Variants in MPI observed in about 807,000 individuals in gnomAD.
The protein encoded by MPI is mannose-6-phosphate isomerase.
In MPI, 33 loss-of-function variants were observed where a neutral mutation model predicts 40.1. That is an observed-to-expected ratio of 0.82 (90% CI 0.62 to 1.10). The LOEUF (loss-of-function observed/expected upper bound fraction) is 1.10. Among genes scored for constraint, MPI ranks in the 50% least tolerant of loss-of-function variants. MPI has a pLI of 0.00. For missense variants in MPI, 514 were observed against 524.1 expected (o/e 0.98, Z 0.19); for synonymous variants, 187 against 207.4 (o/e 0.90, Z 0.85).
rs1029984897 is a variant in MPI, at chr15:74,899,304, G to T, written c.*1574G>T. ...GATAAAGGTTTAAATTCATGCAAAA[G>T]AATCTTTCTGGGCTTCTGCCCACAC... On this transcript the variant is annotated 3_prime_UTR_variant, in exon 8 of 8. Coordinates refer to ENST00000352410, the MANE Select transcript of MPI (RefSeq NM_002435.3). 6.6e-6 allele frequency: 1 copy of T among 152,218 alleles called. No individual in the cohort carries two copies. Among genetic ancestry groups the T allele is most frequent in the African/African-American group, 2.4e-5 (1 of 41,464 alleles). 9.4% of individuals were successfully genotyped at this position (152,218 alleles called of 1,614,324 possible).
chr15:74,895,697 G>A (rs1467285514), intron 5 of MPI: 1 of 167,846 alleles, frequency 6.0e-6, no homozygotes, highest in East Asian at 1.6e-4. Flanking sequence ...TCATACAGGG[G>A]ACATTTGGCT....
rs1189626085 is a variant in MPI at position 74,897,509 on chromosome 15, C to T, written c.1054-3C>T. ...CACTGCCTTATCATTTCTTCCTGCC[C>T]AGGTCCCTGGCTCTGTCACTGAATA... On this transcript the variant is annotated splice_polypyrimidine_tract_variant and splice_region_variant and intron_variant, in intron 7 of 7. Transcript: ENST00000352410. The T allele has an allele frequency of 1.2e-6, 2 of 1,613,826 alleles. No homozygotes were observed. Among genetic ancestry groups the T allele is most frequent in the South Asian group, 2.2e-5 (2 of 91,052 alleles).
Position 74,897,780 on chromosome 15 carries a change from C to A in MPI, c.*50C>A. ...TCTGCCAGCCACCCTAAATTCCAGC[C>A]AACCTCACCTCCTCGGGCCCAGCTC... On this transcript the variant is annotated 3_prime_UTR_variant, in exon 8 of 8. Transcript: ENST00000352410. 6.4e-7 allele frequency: 1 copy of A among 1,565,674 alleles called. No homozygotes were observed. The highest frequency in any genetic ancestry group is 8.8e-7 in the Non-Finnish European group (1 of 1,137,922).
chr15:74,890,178 T>C (rs1210507042), intron 1 of MPI, 89 bp downstream of exon 1: 4 of 1,552,222 alleles, frequency 2.6e-6, no homozygotes, highest in Non-Finnish European at 3.5e-6. Context: ...TTGAGTCCGC[T>C]CCTGGCATTC....
At chr15:74,894,107 T>TGTGTGTGTGTGTGTTTTTTCTGAGCCAG (rs1555478772) in intron 5 of MPI, among the ~76,000 whole-genome samples, 1 of 60,958 alleles carries the variant, frequency 1.6e-5, no homozygotes, top group Admixed American at 2.0e-4. Flanking sequence ...TGTGTGTGTG[T>TGTGTGTGTGTGTGTTTTTTCTGAGCCAG]GGTCTCTTTC....
rs767875252 is a variant in MPI at position 74,893,249 on chromosome 15, A to G, written c.599A>G (p.His200Arg). The change falls in exon 5 of 8, where the codon CAC (histidine) becomes CGC (arginine). Residue 200 changes from histidine (H) to arginine (R), a missense_variant. Physicochemically the swap from His to Arg is conservative, Grantham distance 29 (BLOSUM62 0). Transcript: ENST00000352410. The stretch of plus-strand genomic sequence containing the variant: ...TCCTCTCTGCAGAGCTGTTTCTCCC[A>G]CCTGATGAAGAGTGAGAAGAAGGTG... ...VASSLQSCFS[H>R]LMKSEKKVVV... The G allele has an allele frequency of 1.2e-6, 2 of 1,614,166 alleles. No individual in the cohort carries two copies. The highest frequency in any genetic ancestry group is 1.7e-6 in the Non-Finnish European group (2 of 1,180,030).
chr15:74,900,555 T>A lies in MPI; in HGVS notation c.*2825T>A, dbSNP rs2064912577. 6.6e-6 allele frequency: 1 copy of A among 152,284 alleles called. No homozygotes were observed. The highest frequency in any genetic ancestry group is 2.4e-5 in the African/African-American group (1 of 41,452). The allele number at this position is 152,284 out of a possible 1,614,324, so 9.4% of individuals were successfully genotyped here. On this transcript the variant is annotated 3_prime_UTR_variant, in exon 8 of 8. Coordinates refer to ENST00000352410, the MANE Select transcript of MPI (RefSeq NM_002435.3). ...CTCTACCTGTGTTGCTGTCTTTCTT[T>A]ACACTGTGCTACATTTGATCCCTTT...
At chr15:74,890,294 C>T in intron 1 of MPI, 1 of 858,922 alleles carries the variant, frequency 1.2e-6, no homozygotes, top group South Asian at 1.5e-5. Flanking sequence ...GGATAGGTAC[C>T]TTCTGCTCCC....
At chr15:74,896,050 C>A in intron 5 of MPI, 102 bp from the exon 6 acceptor site, 1 of 1,433,172 alleles carries the variant, frequency 7.0e-7, no homozygotes, top group Non-Finnish European at 9.7e-7. Flanking sequence ...CTTCTGGATT[C>A]CTGTGGCAGG....
At position 74,896,326 on chromosome 15, in the gene MPI, G is replaced by T; in HGVS notation, c.844+1G>T. On this transcript the variant is annotated splice_donor_variant, in intron 6 of 7. Transcript: ENST00000352410. LOFTEE classifies it high-confidence loss of function. Reference sequence around the variant, plus strand: ...GTACCCCATGCCTACCTGAAAGGAGGTGAGCCACATTTCAGCAGTGAGCCC... The same window carrying T: ...GTACCCCATGCCTACCTGAAAGGAGTTGAGCCACATTTCAGCAGTGAGCCC... 1 of 1,614,114 alleles carries T rather than the reference G, an allele frequency of 6.2e-7. No individual in the cohort carries two copies. The highest frequency in any genetic ancestry group is 8.5e-7 in the Non-Finnish European group (1 of 1,180,022).
chr15:74,890,854 C>G (rs1432752019), intron 2 of MPI, 200 bp downstream of exon 2: 3 of 709,684 alleles, frequency 4.2e-6, no homozygotes, highest in Non-Finnish European at 7.3e-6. Flanking sequence ...CCAGCACTCT[C>G]CTTCCCCCAA....
rs1025389382 is a variant in MPI, at chr15:74,890,203, T to C, written c.16+114T>C. On this transcript the variant is annotated intron_variant, in intron 1 of 7. Coordinates refer to ENST00000352410, the MANE Select transcript of MPI (RefSeq NM_002435.3). ...TCCTGGCATTCCGCGGAAAGATGGG[T>C]GGGTGCCGGGCAGAGGTGTGGCCAC... is the stretch of plus-strand genomic sequence containing the variant. 3.4e-6 allele frequency: 5 copies of C among 1,472,708 alleles called. No individual in the cohort carries two copies. In the African/African-American group the frequency reaches 7.0e-5, roughly 20 times the overall value. The allele number at this position is 1,472,708 out of a possible 1,614,324, so 91.2% of individuals were successfully genotyped here. A position where few individuals can be genotyped will look rare whatever the true frequency, so the allele number is the denominator to read the frequency against.
At chr15:74,892,612 G>C (rs773992224) in intron 3 of MPI, 49 bp from the exon 4 acceptor site, 1 of 1,611,708 alleles carries the variant, frequency 6.2e-7, no homozygotes, top group Non-Finnish European at 8.5e-7. Context: ...TACCTGCTAG[G>C]TAATGGCTGT....
intron 5 of MPI, chr15:74,895,691 A>G (rs75161520): frequency 0.071 from 11,753 of 165,874 alleles, 1,216 homozygotes; most frequent in African/African-American, 0.23. Context: ...TGGTTCTCAT[A>G]CAGGGGACAT....
chr15:74,893,548 G>T, intron 5 of MPI: 1 of 645,682 alleles, frequency 1.5e-6, no homozygotes, highest in Non-Finnish European at 2.8e-6. Context: ...CAGATGGTTG[G>T]AGGCAGACTG....
At position 74,893,196 on chromosome 15, in the gene MPI, C is replaced by T. The variant is rs2064752091; in HGVS notation, c.546C>T (p.Thr182=). ...AGGCAGCAACACACCTGAAGCAGAC[C>T]ATGAGCCATGACTCCCAGGCTGTGG... ...GDEAATHLKQ[T]MSHDSQAVAS... The change falls in exon 5 of 8, where the codon ACC becomes ACT. Residue 182 remains threonine, a synonymous_variant. Transcript: ENST00000352410. The T allele has an allele frequency of 6.2e-7, 1 of 1,614,208 alleles. No individual in the cohort carries two copies. The highest frequency in any genetic ancestry group is 8.5e-7 in the Non-Finnish European group (1 of 1,180,036).
intron 5 of MPI, chr15:74,893,873 G>C (rs2064762919): frequency 5.6e-6 from 1 of 179,158 alleles, no homozygotes; most frequent in African/African-American, 2.3e-5. Flanking sequence ...TCCCAGCAAT[G>C]AGCTTATGTG....
At chr15:74,892,828 A>G (rs1293813465) in intron 4 of MPI, 26 bp downstream of exon 4, 5 of 1,614,214 alleles carry the variant, frequency 3.1e-6, no homozygotes, top group East Asian at 2.2e-5. Flanking sequence ...TGCTGAAGGC[A>G]TGCGTACTGG....
chr15:74,890,834 G>T, intron 2 of MPI, 180 bp downstream of exon 2: 1 of 817,438 alleles, frequency 1.2e-6, no homozygotes, highest in Non-Finnish European at 2.0e-6. Context: ...GTCATAATAG[G>T]CTGGGATTTC....
Sources: gnomAD v4.1 joint callset for allele counts (sites outside exome capture counted in the v4.1 genomes callset) on GRCh38, gnomAD v4.1.1 for gene constraint, MANE v1.5 for transcripts, NCBI Gene and HGNC (gene_info 2026-07-23, HGNC 2026-07-21) for gene names.